SIK3: variants seen among roughly 807,000 people sequenced by gnomAD.
SIK3 encodes the protein serine/threonine-protein kinase SIK3.
SIK3 carries 28 observed loss-of-function variants against 144.2 expected under a neutral mutation model. The ratio of observed to expected loss-of-function variants is 0.19; its 90% CI spans 0.14 to 0.27. The LOEUF (loss-of-function observed/expected upper bound fraction) is 0.27, where lower values mean the gene tolerates loss of function less well. Ranked by LOEUF, SIK3 falls within the 10% of genes least tolerant of loss-of-function variation. The probability of loss-of-function intolerance (pLI) is 1.00; values close to 1 mark genes in which losing one functional copy is unlikely to be tolerated. For synonymous variants in SIK3, 686 were observed against 676.3 expected (o/e 1.01, Z -0.22); for missense variants, 1,319 against 1,776.0 (o/e 0.74, Z 4.62).
At chr11:116,968,610 G>A (rs1020116690) in intron 1 of SIK3, among the ~76,000 whole-genome samples, 2 of 152,144 alleles carry the variant, frequency 1.3e-5, no homozygotes, top group Admixed American at 6.5e-5. Context: ...TAATATAACA[G>A]AGTTAACATT....
chr11:116,989,009 T>TCCCAAATAA, intron 1 of SIK3, among the ~76,000 whole-genome samples: 1 of 151,904 alleles, frequency 6.6e-6, no homozygotes, highest in Non-Finnish European at 1.5e-5. Flanking sequence ...CACTCTAGTC[T>TCCCAAATAA]GTCTCCCAAA....
chr11:116,982,370 C>T (rs1455599249), intron 1 of SIK3, among the ~76,000 whole-genome samples: 3 of 151,622 alleles, frequency 2.0e-5, no homozygotes, highest in African/African-American at 7.3e-5. Flanking sequence ...TTCACTGCAA[C>T]CTCCACCTCC....
intron 1 of SIK3, among the ~76,000 whole-genome samples, chr11:117,040,989 C>A (rs1952718849): frequency 1.5e-5 from 2 of 135,638 alleles, no homozygotes. Flanking sequence ...CTAAAATCTA[C>A]TCTCAAAAAA....
At chr11:117,069,686 C>T (rs1463398233) in intron 1 of SIK3, among the ~76,000 whole-genome samples, 1 of 152,140 alleles carries the variant, frequency 6.6e-6, no homozygotes, top group Non-Finnish European at 1.5e-5. Context: ...CCCCAGTACC[C>T]TCTATTCTCC....
chr11:116,857,357 G>A (rs1943007866), intron 21 of SIK3: 4 of 178,118 alleles, frequency 2.2e-5, no homozygotes, highest in Admixed American at 1.1e-4. Flanking sequence ...CTTCACAGAT[G>A]AGGAAAATCA....
intron 4 of SIK3, among the ~76,000 whole-genome samples, chr11:116,900,100 A>C (rs1323221230): frequency 6.6e-6 from 1 of 152,044 alleles, no homozygotes; most frequent in East Asian, 1.9e-4. Flanking sequence ...TACCACTCTT[A>C]AGTTCTTGGC....
chr11:117,079,523 C>T (rs1346572569), intron 1 of SIK3, among the ~76,000 whole-genome samples: 1 of 152,086 alleles, frequency 6.6e-6, no homozygotes, highest in East Asian at 1.9e-4. Context: ...ATGAGACTTA[C>T]AGTCAAGTAG....
intron 15 of SIK3, among the ~76,000 whole-genome samples, chr11:116,866,631 G>A (rs1044714094): frequency 3.9e-5 from 6 of 152,038 alleles, no homozygotes; most frequent in Non-Finnish European, 8.8e-5. Flanking sequence ...TAGTAGAGAT[G>A]GGGTTTCACC....
chr11:117,003,692 G>C (rs1019588651), intron 1 of SIK3, among the ~76,000 whole-genome samples: 6 of 152,068 alleles, frequency 3.9e-5, no homozygotes, highest in Non-Finnish European at 4.4e-5. Context: ...ATAAACATAA[G>C]CATACGTTGT....
At chr11:117,091,043 T>G (rs190436432) in intron 1 of SIK3, among the ~76,000 whole-genome samples, 1 of 152,250 alleles carries the variant, frequency 6.6e-6, no homozygotes, top group African/African-American at 2.4e-5. Flanking sequence ...TAGAATTAAG[T>G]AGGAGTAGTG....
chr11:116,950,293 T>C (rs1339835112), intron 3 of SIK3: 2 of 366,206 alleles, frequency 5.5e-6, no homozygotes, highest in Admixed American at 7.6e-5. Flanking sequence ...CTGGAGAGAA[T>C]TGAGGAGAAG....
intron 6 of SIK3, among the ~76,000 whole-genome samples, chr11:116,889,139 C>T (rs1944972883): frequency 1.3e-5 from 2 of 152,212 alleles, no homozygotes; most frequent in African/African-American, 4.8e-5. Flanking sequence ...TACTTATTAC[C>T]TGTGTGGCTT....
chr11:117,035,285 T>C (rs1241762506), intron 1 of SIK3, among the ~76,000 whole-genome samples: 3 of 152,206 alleles, frequency 2.0e-5, no homozygotes, highest in Non-Finnish European at 4.4e-5. Context: ...AATTTTTTAA[T>C]GATGCAGATA....
intron 1 of SIK3, among the ~76,000 whole-genome samples, chr11:117,014,064 C>A (rs1360015638): frequency 7.1e-6 from 1 of 139,910 alleles, no homozygotes; most frequent in African/African-American, 2.7e-5. Flanking sequence ...ACTGCAGCCT[C>A]AACCTCCTGG....
chr11:116,969,577 A>C (rs904881490), intron 1 of SIK3, among the ~76,000 whole-genome samples: 18 of 151,922 alleles, frequency 1.2e-4, no homozygotes, highest in African/African-American at 4.4e-4. Flanking sequence ...CTAAGAGATC[A>C]AGTTGGCATT....
chr11:117,024,141 G>T (rs1352143453), intron 1 of SIK3, among the ~76,000 whole-genome samples: 1 of 151,480 alleles, frequency 6.6e-6, no homozygotes, highest in Non-Finnish European at 1.5e-5. Flanking sequence ...TAAAAACAAG[G>T]GTACATAAGC....
At chr11:117,011,307 G>A (rs1456884135) in intron 1 of SIK3, among the ~76,000 whole-genome samples, 9 of 152,114 alleles carry the variant, frequency 5.9e-5, no homozygotes, top group East Asian at 1.9e-4. Flanking sequence ...AAACCACAGC[G>A]GAGTGAGAAG....
At chr11:117,061,933 CATAA>C (rs1470267042) in intron 1 of SIK3, among the ~76,000 whole-genome samples, 5 of 151,310 alleles carry the variant, frequency 3.3e-5, no homozygotes, top group Middle Eastern at 3.4e-3. Flanking sequence ...AGTATAGGCA[CATAA>C]ATAAATAAAG....
chr11:117,030,545 A>G (rs534628068), intron 1 of SIK3, among the ~76,000 whole-genome samples: 1 of 152,356 alleles, frequency 6.6e-6, no homozygotes, highest in African/African-American at 2.4e-5. Flanking sequence ...CAGAGGGCAA[A>G]AAAATGTATA....
Sources: gnomAD v4.1 joint callset for allele counts (sites outside exome capture counted in the v4.1 genomes callset) on GRCh38, gnomAD v4.1.1 for gene constraint, MANE v1.5 for transcripts, NCBI Gene and HGNC (gene_info 2026-07-23, HGNC 2026-07-21) for gene names.